USP53: variants seen among roughly 807,000 people sequenced by gnomAD.
USP53 encodes the protein ubiquitin specific peptidase 53.
USP53 carries 71 observed loss-of-function variants against 94.9 expected under a neutral mutation model. The observed-to-expected ratio is 0.75, with a 90% CI of 0.62 to 0.91. The LOEUF (loss-of-function observed/expected upper bound fraction) is 0.91, where lower values mean the gene tolerates loss of function less well. Ranked by LOEUF, USP53 falls within the 40% of genes least tolerant of loss-of-function variation. USP53 has a pLI of 0.00. For missense variants in USP53, 1,173 were observed against 1,281.0 expected (o/e 0.92, Z 1.29); for synonymous variants, 375 against 422.7 (o/e 0.89, Z 1.39).
chr4:119,212,977 C>A, intron 1 of USP53, 104 bp downstream of exon 1: 1 of 158,468 alleles, frequency 6.3e-6, no homozygotes, highest in Non-Finnish European at 1.4e-5. Flanking sequence ...CGTCTCTCCC[C>A]TCGCAGCCCG....
chr4:119,221,928 A>G (rs141207648), intron 3 of USP53, among the ~76,000 whole-genome samples: 1 of 152,288 alleles, frequency 6.6e-6, no homozygotes, highest in Non-Finnish European at 1.5e-5. Flanking sequence ...ACTTACCACA[A>G]TATACAATAG....
rs1398931495 is a variant in USP53 at position 119,256,327 on chromosome 4, C to T, written c.454C>T (p.His152Tyr). The T allele has an allele frequency of 8.7e-6, 14 of 1,613,842 alleles. No homozygotes were observed. The highest frequency in any genetic ancestry group is 1.2e-5 in the Non-Finnish European group (14 of 1,179,958). Residue 152 changes from histidine (H) to tyrosine (Y), a missense_variant, in exon 8 of 19, where the codon CAC (histidine) becomes TAC (tyrosine). Transcript: ENST00000692078. Reference sequence around the variant, plus strand: ...GTGTACCTCTAAATCTTGTATCACTCACCAGAAGTTTGCTATGACTCTGTA... The same window carrying T: ...GTGTACCTCTAAATCTTGTATCACTTACCAGAAGTTTGCTATGACTCTGTA... ...DMCTSKSCIT[H>Y]QKFAMTLYEQ...
chr4:119,253,872 T>C (rs961136125), intron 7 of USP53, among the ~76,000 whole-genome samples: 4 of 152,226 alleles, frequency 2.6e-5, no homozygotes, highest in African/African-American at 7.2e-5. Context: ...TTCCTATCCA[T>C]GTTTAGTGCT....
chr4:119,227,011 C>G (rs1578418987), intron 3 of USP53, among the ~76,000 whole-genome samples: 1 of 151,600 alleles, frequency 6.6e-6, no homozygotes, highest in Admixed American at 6.6e-5. Context: ...AATTTTTGTA[C>G]TTTTGTAGAT....
At chr4:119,243,571 G>T (rs896428214) in intron 5 of USP53, among the ~76,000 whole-genome samples, 1 of 152,080 alleles carries the variant, frequency 6.6e-6, no homozygotes, top group Non-Finnish European at 1.5e-5. Flanking sequence ...TTGTGATAGC[G>T]ATTTGTTAAA....
chr4:119,249,189 C>T (rs1430188022), intron 7 of USP53, among the ~76,000 whole-genome samples: 1 of 152,138 alleles, frequency 6.6e-6, no homozygotes, highest in African/African-American at 2.4e-5. Context: ...CAGTGTTCTG[C>T]CACTATAGGG....
chr4:119,260,476 A>C, intron 10 of USP53, 31 bp from the exon 11 acceptor site: 1 of 1,600,460 alleles, frequency 6.2e-7, no homozygotes, highest in Non-Finnish European at 8.5e-7. Context: ...ATCTGTTTTC[A>C]TAATTTTAAA....
In USP53 at chr4:119,293,549, T is replaced by G. The variant is rs1755004405; in HGVS notation, c.*338T>G. On this transcript the variant is annotated 3_prime_UTR_variant, in exon 19 of 19. Coordinates refer to ENST00000692078, the MANE Select transcript of USP53 (RefSeq NM_001371395.1). ...TGAAAAATAGAAAATCAGGGAGATATAATAATTCATTTGTCATATGCTACA... is the reference window on the plus strand; with the variant it reads ...TGAAAAATAGAAAATCAGGGAGATAGAATAATTCATTTGTCATATGCTACA... 2.7e-5 allele frequency: 5 copies of G among 184,132 alleles called. No individual in the cohort carries two copies. The South Asian group carries it at 6.4e-4, about 24-fold the overall frequency. 11.4% of individuals were successfully genotyped at this position (184,132 alleles called of 1,614,324 possible).
chr4:119,252,933 G>A (rs879965052), intron 7 of USP53, among the ~76,000 whole-genome samples: 2 of 152,050 alleles, frequency 1.3e-5, no homozygotes, highest in African/African-American at 4.8e-5. Flanking sequence ...GGTACATTGT[G>A]TCTTTGTTCT....
intron 3 of USP53, among the ~76,000 whole-genome samples, chr4:119,233,760 T>A (rs2149307187): frequency 6.6e-6 from 1 of 152,306 alleles, no homozygotes; most frequent in Non-Finnish European, 1.5e-5. Flanking sequence ...ATTTGTTGCC[T>A]TTCTTTCATT....
intron 17 of USP53, among the ~76,000 whole-genome samples, chr4:119,282,482 T>C (rs1702390507): frequency 6.6e-6 from 1 of 152,104 alleles, no homozygotes; most frequent in African/African-American, 2.4e-5. Flanking sequence ...GCACTTGTTA[T>C]TTTCTGTTTT....
intron 17 of USP53, among the ~76,000 whole-genome samples, chr4:119,277,679 T>G (rs1752836871): frequency 6.8e-6 from 1 of 147,776 alleles, no homozygotes; most frequent in Admixed American, 6.8e-5. Flanking sequence ...CTCGTTGATC[T>G]GTCTAATGTT....
At chr4:119,244,899 A>G (rs1179536370) in intron 5 of USP53, among the ~76,000 whole-genome samples, 1 of 152,116 alleles carries the variant, frequency 6.6e-6, no homozygotes, top group Non-Finnish European at 1.5e-5. Flanking sequence ...TCTTGCCATA[A>G]TGTGCAGACC....
chr4:119,266,283 T>G, intron 12 of USP53: 1 of 456,262 alleles, frequency 2.2e-6, no homozygotes, highest in Non-Finnish European at 4.4e-6. Flanking sequence ...GAACATATTT[T>G]TTTCCGTTGC....
intron 2 of USP53, among the ~76,000 whole-genome samples, chr4:119,215,954 G>C (rs1236349852): frequency 2.0e-5 from 3 of 152,160 alleles, no homozygotes; most frequent in Non-Finnish European, 4.4e-5. Flanking sequence ...CAAAAAAGAA[G>C]TTTTAAGAAA....
At position 119,288,207 on chromosome 4, in the gene USP53, GAAAT is replaced by G. The variant is rs1426064076; in HGVS notation, c.2252-2954_2252-2951del. ...CTTTCAAAATATTTATTCATTTAAA[GAAAT>G]AAACCCAGTACATGCTAACACAAAT... is the stretch of plus-strand genomic sequence containing the variant. On this transcript the variant is annotated intron_variant, in intron 17 of 18. Coordinates refer to ENST00000692078, the MANE Select transcript of USP53 (RefSeq NM_001371395.1). Among the ~76,000 whole-genome samples the G allele has an allele frequency of 3.3e-5, 5 of 152,234 alleles. No individual in the cohort carries two copies. In the South Asian group the frequency reaches 1.0e-3, roughly 32 times the overall value.
chr4:119,223,646 C>G (rs1400333928), intron 3 of USP53, among the ~76,000 whole-genome samples: 2 of 152,180 alleles, frequency 1.3e-5, no homozygotes, highest in Non-Finnish European at 2.9e-5. Context: ...CTTCTAGAAT[C>G]TTTACCATCC....
chr4:119,240,434 CTTAA>C (rs3052871), intron 5 of USP53, among the ~76,000 whole-genome samples: 3,892 of 152,174 alleles, frequency 0.026, 63 homozygotes, highest in South Asian at 0.048. Flanking sequence ...TGTTGAAAAT[CTTAA>C]TTAACCTGCT....
chr4:119,267,611 T>G, intron 13 of USP53, 129 bp downstream of exon 13: 1 of 1,072,994 alleles, frequency 9.3e-7, no homozygotes. Context: ...GCTGAGGAAA[T>G]TTTAGTAATT....
Sources: allele counts gnomAD v4.1 joint callset (sites outside exome capture counted in the v4.1 genomes callset), GRCh38; gene constraint gnomAD v4.1.1; transcripts MANE v1.5; gene names NCBI Gene and HGNC (gene_info 2026-07-23, HGNC 2026-07-21).